The following TACC2 variants were observed in gnomAD, a reference collection of about 807,000 sequenced individuals.
TACC2 encodes transforming acidic coiled-coil containing protein 2, also known as transforming acidic coiled-coil-containing protein 2.
In TACC2, 137 loss-of-function variants were observed where a neutral mutation model predicts 227.3. That is an observed-to-expected ratio of 0.60 (90% CI 0.52 to 0.69). The LOEUF is 0.69. TACC2 is among the 30% of genes least tolerant of loss of function. The pLI, the probability that TACC2 is intolerant of heterozygous loss-of-function variation, is 0.00. For synonymous variants in TACC2, 1,523 were observed against 1,487.5 expected (o/e 1.02, Z -0.55); for missense variants, 3,470 against 3,694.4 (o/e 0.94, Z 1.57).
chr10:122,195,312 G>A (rs2094530269), intron 8 of TACC2, 136 bp downstream of exon 8: 2 of 710,914 alleles, frequency 2.8e-6, no homozygotes, highest in African/African-American at 1.8e-5. Context: ...TGCTTGACGT[G>A]GCTTTTGTAG....
chr10:122,011,410 A>G (rs1591012808), intron 1 of TACC2, among the ~76,000 whole-genome samples: 1 of 151,788 alleles, frequency 6.6e-6, no homozygotes, highest in Admixed American at 6.6e-5. Flanking sequence ...GCTCACTGCA[A>G]CCTCCACTTC....
At chr10:122,193,171 A>G (rs1218729927) in intron 7 of TACC2, among the ~76,000 whole-genome samples, 1 of 152,210 alleles carries the variant, frequency 6.6e-6, no homozygotes, top group Admixed American at 6.5e-5. Context: ...GATCCCATCA[A>G]AAGCAGCTAT....
At chr10:122,253,694 T>G (rs1349666154) in intron 22 of TACC2, among the ~76,000 whole-genome samples, 1 of 152,268 alleles carries the variant, frequency 6.6e-6, no homozygotes, top group East Asian at 1.9e-4. Context: ...CACTCTGTGC[T>G]GGTCACTGCC....
In TACC2 at chr10:122,141,285, C is replaced by T. The variant is rs1031237262; in HGVS notation, c.5700-2287C>T. 2.6e-5 allele frequency among the ~76,000 whole-genome samples: 4 copies of T among 152,110 alleles called. No homozygotes were observed. Among genetic ancestry groups the T allele is most frequent in the East Asian group, 1.9e-4 (1 of 5,196 alleles). ...GATGGTGAGTCACTGAGTGTTTCCTCGTGGGAGCCTGACCTCCTCGGCCCC... is the reference window on the plus strand; with the variant it reads ...GATGGTGAGTCACTGAGTGTTTCCTTGTGGGAGCCTGACCTCCTCGGCCCC... On this transcript the variant is annotated intron_variant, in intron 6 of 22. Transcript: ENST00000369005. This position sits in a 1 kb window ranked among gnomAD's most constrained non-coding sequence, Gnocchi z 4.3.
At chr10:122,017,400 C>T (rs1378395498) in intron 1 of TACC2, among the ~76,000 whole-genome samples, 1 of 152,150 alleles carries the variant, frequency 6.6e-6, no homozygotes, top group Non-Finnish European at 1.5e-5. Context: ...CAGGAGTAGC[C>T]CCTAGTTCTT....
At chr10:122,212,281 C>G (rs2095311143) in intron 9 of TACC2, among the ~76,000 whole-genome samples, 2 of 152,204 alleles carry the variant, frequency 1.3e-5, no homozygotes, top group Non-Finnish European at 2.9e-5. Context: ...TTCCTTCTCT[C>G]CAGTCATCTT....
intron 7 of TACC2, among the ~76,000 whole-genome samples, chr10:122,191,906 C>T (rs539675317): frequency 3.3e-4 from 50 of 152,164 alleles, no homozygotes; most frequent in African/African-American, 9.9e-4. Flanking sequence ...ATCAAACAGC[C>T]GGTGGGAATT....
chr10:122,050,133 G>A lies in TACC2; in HGVS notation c.34-305G>A, dbSNP rs1211439460. On this transcript the variant is annotated intron_variant, in intron 2 of 22. Coordinates refer to ENST00000369005, the MANE Select transcript of TACC2 (RefSeq NM_206862.4). This position sits in a 1 kb window ranked among gnomAD's most constrained non-coding sequence, Gnocchi z 4.6. ...TTAAATGCTCCACTTCTCCTAGGGA[G>A]CAAGTGACCCCAAAGTGTGGTAGGT... Among the ~76,000 whole-genome samples the A allele has an allele frequency of 6.6e-6, 1 of 152,196 alleles. No individual in the cohort carries two copies. The highest frequency in any genetic ancestry group is 1.5e-5 in the Non-Finnish European group (1 of 68,038).
chr10:122,058,945 T>C (rs1215640442), intron 3 of TACC2, among the ~76,000 whole-genome samples: 23 of 148,120 alleles, frequency 1.6e-4, no homozygotes, highest in Non-Finnish European at 4.5e-5. Flanking sequence ...CATGATGGAG[T>C]GCAGTGGCGC....
At chr10:122,252,468 A>G (rs1194572869) in intron 22 of TACC2, among the ~76,000 whole-genome samples, 2 of 150,818 alleles carry the variant, frequency 1.3e-5, no homozygotes, top group African/African-American at 4.9e-5. Flanking sequence ...CAGGGGCCAT[A>G]GTGGCAATGA....
Position 122,087,526 on chromosome 10 carries a change from G to A in TACC2, c.5026G>A (p.Gly1676Ser), listed in dbSNP as rs137931842. Residue 1676 changes from glycine (G) to serine (S), a missense_variant, in exon 4 of 23, where the codon GGC becomes AGC. By Grantham distance (56) the Gly-to-Ser change is moderately conservative (BLOSUM62 0). Coordinates refer to ENST00000369005, the MANE Select transcript of TACC2 (RefSeq NM_206862.4). Reference protein sequence around the residue: ...AGILEMRNALGNQSTPAPPTG... With the variant: ...AGILEMRNALSNQSTPAPPTG... Reference sequence around the variant, plus strand: ...CATCTTGGAAATGCGAAATGCCCTGGGCAACCAGAGCACCCCTGCACCACC... The same window carrying A: ...CATCTTGGAAATGCGAAATGCCCTGAGCAACCAGAGCACCCCTGCACCACC... 1 of 1,613,790 alleles carries A rather than the reference G, an allele frequency of 6.2e-7. No individual in the cohort carries two copies. Among genetic ancestry groups the A allele is most frequent in the Non-Finnish European group, 8.5e-7 (1 of 1,180,048 alleles).
intron 3 of TACC2, among the ~76,000 whole-genome samples, chr10:122,066,714 A>G (rs373522255): frequency 7.9e-5 from 12 of 152,324 alleles, no homozygotes; most frequent in African/African-American, 2.9e-4. Flanking sequence ...AAAAATCTGT[A>G]GCTTTTAACT....
At chr10:122,111,415 G>A (rs2083585567) in intron 5 of TACC2, among the ~76,000 whole-genome samples, 1 of 152,232 alleles carries the variant, frequency 6.6e-6, no homozygotes, top group Non-Finnish European at 1.5e-5. Context: ...TCGTTGCCCA[G>A]TTGAGGTGCT....
chr10:122,045,176 A>G (rs2074828462), intron 2 of TACC2, among the ~76,000 whole-genome samples: 1 of 152,194 alleles, frequency 6.6e-6, no homozygotes, highest in African/African-American at 2.4e-5. Context: ...TACATTCAAC[A>G]AATATTTATG....
intron 7 of TACC2, among the ~76,000 whole-genome samples, chr10:122,170,249 C>CCTGATGAT (rs2093401085): frequency 6.8e-6 from 1 of 147,292 alleles, no homozygotes; most frequent in African/African-American, 2.6e-5. Context: ...AAACCAGAAA[C>CCTGATGAT]CTGATGATCA....
In TACC2 at chr10:122,183,212, A is replaced by C. The variant is rs577984410; in HGVS notation, c.5835-11828A>C. ...AGAGTGAGACTCTGTCTCAAAAAAA[A>C]CAAAAAAACAAACAAAAAAAACAAC... On this transcript the variant is annotated intron_variant, in intron 7 of 22. Transcript: ENST00000369005. 4.6e-5 allele frequency among the ~76,000 whole-genome samples: 7 copies of C among 151,380 alleles called. 1 individual carries two copies. The highest frequency in any genetic ancestry group is 1.5e-4 in the African/African-American group (6 of 41,336).
chr10:122,046,674 T>C (rs1166432738), intron 2 of TACC2, among the ~76,000 whole-genome samples: 2 of 152,162 alleles, frequency 1.3e-5, no homozygotes, highest in Admixed American at 1.3e-4. Flanking sequence ...GTCTCCTTAT[T>C]CCATCTGTTG....
At chr10:122,156,070 C>T (rs1172279770) in intron 7 of TACC2, among the ~76,000 whole-genome samples, 2 of 151,504 alleles carry the variant, frequency 1.3e-5, no homozygotes. Context: ...ATCTCCTGAC[C>T]TTGTGATCCG....
At chr10:122,175,955 C>G (rs1182635344) in intron 7 of TACC2, among the ~76,000 whole-genome samples, 1 of 151,970 alleles carries the variant, frequency 6.6e-6, no homozygotes, top group Non-Finnish European at 1.5e-5. Context: ...GTGGTGCACG[C>G]CTATAGTCCC....
Sources: allele counts gnomAD v4.1 joint callset (sites outside exome capture counted in the v4.1 genomes callset), GRCh38; gene constraint gnomAD v4.1.1; non-coding constraint Gnocchi (gnomAD v3.1); transcripts MANE v1.5; gene names NCBI Gene and HGNC (gene_info 2026-07-23, HGNC 2026-07-21).